Variants in IQSEC3 observed in about 807,000 individuals in gnomAD.
The protein encoded by IQSEC3 is IQ motif and Sec7 domain ArfGEF 3, also known as IQ motif and SEC7 domain-containing protein 3.
In IQSEC3, 50 loss-of-function variants were observed where a neutral mutation model predicts 105.4. The ratio of observed to expected loss-of-function variants is 0.47; its 90% CI spans 0.38 to 0.60. IQSEC3 has a LOEUF of 0.60. IQSEC3 is among the 20% of genes least tolerant of loss of function. IQSEC3 has a pLI of 0.00. For synonymous variants in IQSEC3, 708 were observed against 746.0 expected, an observed-to-expected ratio of 0.95 and a Z score of 0.83; for missense variants, 1,415 against 1,630.0, an observed-to-expected ratio of 0.87 and a Z score of 2.27.
chr12:100,201 C>T (rs998568732), intron 2 of IQSEC3, among the ~76,000 whole-genome samples: 3 of 152,118 alleles, frequency 2.0e-5, no homozygotes, highest in Non-Finnish European at 4.4e-5. Context: ...ATCATCCCGT[C>T]GAGTCTCTGA....
intron 1 of IQSEC3, among the ~76,000 whole-genome samples, chr12:69,511 G>A (rs567288152): frequency 1.3e-5 from 2 of 152,398 alleles, no homozygotes; most frequent in African/African-American, 4.8e-5. Flanking sequence ...CAGAGTGGAA[G>A]TTATTGGAAT....
intron 1 of IQSEC3, among the ~76,000 whole-genome samples, chr12:97,454 C>T (rs1200759142): frequency 2.6e-5 from 4 of 152,148 alleles, no homozygotes; most frequent in East Asian, 1.9e-4. Context: ...AAGCTTCCTT[C>T]GATTTTTTCC....
intron 3 of IQSEC3, among the ~76,000 whole-genome samples, chr12:126,339 G>A (rs1865407880): frequency 6.6e-6 from 1 of 152,214 alleles, no homozygotes; most frequent in Non-Finnish European, 1.5e-5. Flanking sequence ...CAAAGACAAT[G>A]GTCTCCTCGA....
intron 3 of IQSEC3, among the ~76,000 whole-genome samples, chr12:132,894 T>C (rs531887164): frequency 1.3e-5 from 2 of 152,342 alleles, no homozygotes; most frequent in African/African-American, 4.8e-5. Context: ...GCTCCTGCTC[T>C]CTGCTGGGTG....
chr12:131,814 A>G (rs1466563454), intron 3 of IQSEC3, among the ~76,000 whole-genome samples: 1 of 152,136 alleles, frequency 6.6e-6, no homozygotes, highest in Non-Finnish European at 1.5e-5. Context: ...GGGGCCTGGC[A>G]GGCCCAACTC....
rs547939488 is a variant in IQSEC3, at chr12:175,880, C to G, written c.*847C>G. 6.6e-6 allele frequency: 1 copy of G among 152,272 alleles called. No individual in the cohort carries two copies. Among genetic ancestry groups the G allele is most frequent in the Admixed American group, 6.5e-5 (1 of 15,290 alleles). 9.4% of individuals were successfully genotyped at this position (152,272 alleles called of 1,614,324 possible). On this transcript the variant is annotated 3_prime_UTR_variant, in exon 14 of 14. Transcript: ENST00000538872. ...ACGCACCGGCATGTGCACGCAAACA[C>G]GCATGAGAACCAGGCCATTCCTTCC...
At chr12:118,451 G>A (rs976625883) in intron 2 of IQSEC3, among the ~76,000 whole-genome samples, 1 of 152,104 alleles carries the variant, frequency 6.6e-6, no homozygotes, top group Non-Finnish European at 1.5e-5. Context: ...CATGTTGTTA[G>A]CTTTTGTCTA....
At chr12:98,378 T>G (rs1295411991) in intron 1 of IQSEC3, among the ~76,000 whole-genome samples, 1 of 152,096 alleles carries the variant, frequency 6.6e-6, no homozygotes, top group Non-Finnish European at 1.5e-5. Flanking sequence ...ACCACATAAA[T>G]CAGAGTCCTG....
intron 9 of IQSEC3, among the ~76,000 whole-genome samples, chr12:164,149 T>G (rs1361128257): frequency 6.6e-6 from 1 of 152,232 alleles, no homozygotes; most frequent in African/African-American, 2.4e-5. Flanking sequence ...GGCATCATTG[T>G]AGGTCTGGAA....
At chr12:108,583 C>T (rs1455477397) in intron 2 of IQSEC3, among the ~76,000 whole-genome samples, 1 of 152,198 alleles carries the variant, frequency 6.6e-6, no homozygotes, top group African/African-American at 2.4e-5. Flanking sequence ...CATATGTAAA[C>T]AGTTATGGTC....
At position 157,098 on chromosome 12, in the gene IQSEC3, C is replaced by T. The variant is rs149681841; in HGVS notation, c.2227C>T (p.Arg743Cys). The T allele has an allele frequency of 3.6e-5, 57 of 1,603,272 alleles. No homozygotes were observed. The African/African-American group carries it at 7.1e-4, about 20-fold the overall frequency. Residue 743 changes from arginine (R) to cysteine (C), a missense_variant, in exon 6 of 14, where the codon CGT (arginine) becomes TGT (cysteine). By Grantham distance (180) the Arg-to-Cys change is radical. This residue lies in a region of IQSEC3 where 213 missense variants were observed against 306.2 expected (regional missense o/e 0.70). Coordinates refer to ENST00000538872, the MANE Select transcript of IQSEC3 (RefSeq NM_001170738.2). ...EALRKFQAHI[R>C]VQGEAQKVER... ...CCTGCGCAAGTTCCAGGCACACATC[C>T]GTGTGCAGGGGGAGGCTCAGAAGGT...
At chr12:71,547 G>T (rs1555067531) in intron 1 of IQSEC3, among the ~76,000 whole-genome samples, 1 of 152,292 alleles carries the variant, frequency 6.6e-6, no homozygotes, top group Non-Finnish European at 1.5e-5. Flanking sequence ...GAAGTCAAAG[G>T]TTTATGTCAG....
At chr12:164,117 G>C (rs1387548506) in intron 9 of IQSEC3, among the ~76,000 whole-genome samples, 6 of 152,192 alleles carry the variant, frequency 3.9e-5, no homozygotes, top group Non-Finnish European at 8.8e-5. Context: ...ACAAATATTT[G>C]ATCAGCGTTG....
intron 1 of IQSEC3, among the ~76,000 whole-genome samples, chr12:95,260 G>T (rs539059896): frequency 3.1e-4 from 47 of 152,112 alleles, no homozygotes; most frequent in Non-Finnish European, 6.2e-4. Context: ...TGAGGGCTCA[G>T]ATTTAATTAT....
At chr12:159,365 C>T (rs12304322) in intron 7 of IQSEC3, among the ~76,000 whole-genome samples, 161 of 152,348 alleles carry the variant, frequency 1.1e-3, no homozygotes, top group African/African-American at 3.7e-3. Flanking sequence ...GCCCTCCTTC[C>T]CTTGCTCTCA....
intron 9 of IQSEC3, 49 bp downstream of exon 9, chr12:163,668 C>G (rs782210058): frequency 3.7e-6 from 4 of 1,081,444 alleles, no homozygotes; most frequent in Non-Finnish European, 5.7e-6. Context: ...CTGCCTCTGC[C>G]GCCCTGGTCA....
rs782480107 is a variant in IQSEC3 at position 165,888 on chromosome 12, A to G, written c.2969A>G (p.Glu990Gly). The G allele has an allele frequency of 6.2e-7, 1 of 1,613,206 alleles. No homozygotes were observed. Among genetic ancestry groups the G allele is most frequent in the Non-Finnish European group, 8.5e-7 (1 of 1,179,412 alleles). Residue 990 changes from glutamate to glycine, a missense_variant and splice_region_variant, in exon 11 of 14, where the codon GAG (glutamate) becomes GGG (glycine). By Grantham distance (98) the Glu-to-Gly change is moderately conservative. Transcript: ENST00000538872. ...ACGGAGCTGGAGCAGATCCGAATAGAGTGTAAGGACACGGGCTCCCGAGGC... is the reference window on the plus strand; with the variant it reads ...ACGGAGCTGGAGCAGATCCGAATAGGGTGTAAGGACACGGGCTCCCGAGGC... ...EVTELEQIRI[E>G]WELEKQQGTK...
intron 1 of IQSEC3, among the ~76,000 whole-genome samples, chr12:86,912 A>G (rs534450822): frequency 2.0e-5 from 3 of 151,948 alleles, no homozygotes; most frequent in Non-Finnish European, 4.4e-5. Context: ...AGATCTGGGA[A>G]GGCCTACAGC....
intron 1 of IQSEC3, among the ~76,000 whole-genome samples, chr12:74,406 T>C (rs1490244220): frequency 2.0e-5 from 3 of 152,264 alleles, no homozygotes; most frequent in Non-Finnish European, 4.4e-5. Context: ...TCTAAAATTC[T>C]CTCCCAGGGT....
Sources: allele counts gnomAD v4.1 joint callset (sites outside exome capture counted in the v4.1 genomes callset), GRCh38; gene constraint gnomAD v4.1.1; regional missense constraint gnomAD v4.1.1; transcripts MANE v1.5; gene names NCBI Gene and HGNC (gene_info 2026-07-23, HGNC 2026-07-21).